Variants in TIAM1 observed in about 807,000 individuals in gnomAD.
TIAM1 encodes TIAM Rac1 associated GEF 1.
Under a neutral mutation model 163.5 loss-of-function variants are expected in TIAM1, and 65 were observed. That is an observed-to-expected ratio of 0.40 (90% CI 0.33 to 0.49). The LOEUF (loss-of-function observed/expected upper bound fraction) is 0.49, where lower values mean the gene tolerates loss of function less well. Among genes scored for constraint, TIAM1 ranks in the 20% least tolerant of loss-of-function variants. The pLI is 0.77. For synonymous variants in TIAM1, 833 were observed against 810.1 expected, an observed-to-expected ratio of 1.03 and a Z score of -0.48; for missense variants, 1,789 against 2,044.7, an observed-to-expected ratio of 0.87 and a Z score of 2.41.
chr21:31,482,277 G>A (rs1358431683), intron 1 of TIAM1, among the ~76,000 whole-genome samples: 7 of 151,716 alleles, frequency 4.6e-5, no homozygotes, highest in African/African-American at 9.7e-5. Flanking sequence ...TCAGCCTCCC[G>A]AGTAGCTGGG....
At chr21:31,512,735 A>C (rs1288609894) in intron 1 of TIAM1, among the ~76,000 whole-genome samples, 1 of 150,702 alleles carries the variant, frequency 6.6e-6, no homozygotes, top group Non-Finnish European at 1.5e-5. Context: ...CTCCCGCCTC[A>C]GACTCCCAAG....
intron 2 of TIAM1, among the ~76,000 whole-genome samples, chr21:31,419,262 GAAATTCATGTTAAGT>G (rs1204710660): frequency 6.6e-6 from 1 of 152,316 alleles, no homozygotes; most frequent in East Asian, 1.9e-4. Flanking sequence ...GAATGCGTGA[GAAATTCATGTTAAGT>G]AAAGTAAAAT....
chr21:31,434,837 T>C (rs565287571), intron 2 of TIAM1, among the ~76,000 whole-genome samples: 197 of 152,326 alleles, frequency 1.3e-3, no homozygotes, highest in South Asian at 3.1e-3. Context: ...GTCCCAGTTC[T>C]CTGTAATGTC....
chr21:31,222,701 ATATATATTTTTTTTTT>A (rs1337080756), intron 8 of TIAM1, among the ~76,000 whole-genome samples: 30 of 46,406 alleles, frequency 6.5e-4, no homozygotes, highest in African/African-American at 2.7e-3. Flanking sequence ...ATATATATAT[ATATATATTTTTTTTTT>A]TTTTTTTTTT....
At chr21:31,451,413 C>A (rs1451275168) in intron 2 of TIAM1, among the ~76,000 whole-genome samples, 1 of 152,010 alleles carries the variant, frequency 6.6e-6, no homozygotes. Context: ...TATATATACA[C>A]ACTGCATACA....
At chr21:31,132,289 G>T (rs73347764) in intron 23 of TIAM1, among the ~76,000 whole-genome samples, 1 of 152,066 alleles carries the variant, frequency 6.6e-6, no homozygotes, top group Non-Finnish European at 1.5e-5. Context: ...GGAAATAAGC[G>T]CTGAGATGCA....
chr21:31,321,291 G>A (rs1378975026), intron 2 of TIAM1, among the ~76,000 whole-genome samples: 4 of 152,080 alleles, frequency 2.6e-5, no homozygotes, highest in Non-Finnish European at 5.9e-5. Context: ...ATCTGAGGCC[G>A]GTCCACACTG....
Position 31,118,631 on chromosome 21 carries a change from G to A in TIAM1, c.*1737C>T. The A allele has an allele frequency of 2.1e-6, 1 of 471,348 alleles. No homozygotes were observed. Among genetic ancestry groups the A allele is most frequent in the Non-Finnish European group, 4.4e-6 (1 of 227,108 alleles). The allele number at this position is 471,348 out of a possible 1,614,324, so 29.2% of individuals were successfully genotyped here. ...AGATGGATGTGTTGCACTGGAGCCA[G>A]TAAATGCGACGATTAGAAGCCTCTG... On this transcript the variant is annotated 3_prime_UTR_variant, in exon 28 of 28. Transcript: ENST00000541036.
Position 31,223,467 on chromosome 21 carries a change from C to T in TIAM1, c.1934G>A (p.Arg645Gln). Residue 645 changes from arginine (R) to glutamine (Q), a missense_variant, in exon 8 of 28, where the codon CGA becomes CAA. Coordinates refer to ENST00000541036, the MANE Select transcript of TIAM1 (RefSeq NM_001353694.2). ...GCGGCCCATGGCCACTTTCGTTGGTCGACTTGCAAAAGCGAGAAGCCTTTT... is the reference window on the plus strand; with the variant it reads ...GCGGCCCATGGCCACTTTCGTTGGTTGACTTGCAAAAGCGAGAAGCCTTTT... ...NPKRLLAFAS[R>Q]PTKVAMGRLG... 1 of 1,613,938 alleles carries T rather than the reference C, an allele frequency of 6.2e-7. No homozygotes were observed. The highest frequency in any genetic ancestry group is 2.2e-5 in the East Asian group (1 of 44,872).
chr21:31,223,672 T>C (rs2087763764), intron 7 of TIAM1, 81 bp from the exon 8 acceptor site: 1 of 1,384,830 alleles, frequency 7.2e-7, no homozygotes, highest in East Asian at 2.4e-5. Flanking sequence ...TACAGATCTA[T>C]ATGTCGTAAA....
chr21:31,420,488 A>C (rs1179273908), intron 2 of TIAM1, among the ~76,000 whole-genome samples: 1 of 152,234 alleles, frequency 6.6e-6, no homozygotes, highest in African/African-American at 2.4e-5. Flanking sequence ...CCAGACCCTA[A>C]AGAGTCTAAA....
At chr21:31,394,789 A>G (rs1195924091) in intron 2 of TIAM1, among the ~76,000 whole-genome samples, 1 of 147,186 alleles carries the variant, frequency 6.8e-6, no homozygotes, top group East Asian at 2.1e-4. Context: ...CAGAGGAGCC[A>G]GGGCAAACAC....
intron 15 of TIAM1, among the ~76,000 whole-genome samples, chr21:31,171,898 C>T (rs926281229): frequency 1.3e-5 from 2 of 152,118 alleles, no homozygotes. Flanking sequence ...AGTCACCATA[C>T]GTGGGAGTGA....
intron 1 of TIAM1, among the ~76,000 whole-genome samples, chr21:31,498,932 C>T (rs954706177): frequency 3.7e-5 from 5 of 136,068 alleles, no homozygotes; most frequent in Non-Finnish European, 6.1e-5. Flanking sequence ...GGCTACAGAG[C>T]GAGACTCCAT....
chr21:31,485,882 GGGGT>G (rs2046255780), intron 1 of TIAM1, among the ~76,000 whole-genome samples: 3 of 152,270 alleles, frequency 2.0e-5, no homozygotes, highest in African/African-American at 7.2e-5. Flanking sequence ...AGGCACGAAG[GGGGT>G]GAGTTCCCTG....
intron 1 of TIAM1, among the ~76,000 whole-genome samples, chr21:31,552,041 T>C (rs1467822858): frequency 6.9e-6 from 1 of 143,974 alleles, no homozygotes; most frequent in Non-Finnish European, 1.5e-5. Context: ...ATTTTTACTC[T>C]GCACTACTTT....
In TIAM1 at chr21:31,266,914, C is replaced by T. The variant is rs1169083434; in HGVS notation, c.59G>A (p.Ser20Asn). The T allele has an allele frequency of 3.1e-6, 5 of 1,611,968 alleles. No individual in the cohort carries two copies. Among genetic ancestry groups the T allele is most frequent in the Non-Finnish European group, 4.2e-6 (5 of 1,178,476 alleles). ...GCGGGAAGTGTGCTTGCGCCCCAGG[C>T]TGGCATGCTTTTCTCCATAAAACTC... ...EHEFYGEKHASLGRKHTSRSL... is the reference protein window; with the variant it reads ...EHEFYGEKHANLGRKHTSRSL... Residue 20 changes from serine (S) to asparagine (N), a missense_variant, in exon 4 of 28, where the codon AGC becomes AAC. Coordinates refer to ENST00000541036, the MANE Select transcript of TIAM1 (RefSeq NM_001353694.2).
At chr21:31,446,470 T>C (rs907837463) in intron 2 of TIAM1, among the ~76,000 whole-genome samples, 1 of 152,172 alleles carries the variant, frequency 6.6e-6, no homozygotes, top group Non-Finnish European at 1.5e-5. Context: ...CATGCTGAAC[T>C]TCTAGTGAAA....
chr21:31,201,556 G>T (rs2086201416), intron 12 of TIAM1, among the ~76,000 whole-genome samples: 1 of 152,196 alleles, frequency 6.6e-6, no homozygotes, highest in African/African-American at 2.4e-5. Flanking sequence ...AAACTCATTG[G>T]ATTGTGTCCT....
Sources: allele counts gnomAD v4.1 joint callset (sites outside exome capture counted in the v4.1 genomes callset), GRCh38; gene constraint gnomAD v4.1.1; transcripts MANE v1.5; gene names NCBI Gene and HGNC (gene_info 2026-07-23, HGNC 2026-07-21).